The following ADAMTS3 variants were observed in gnomAD, a reference collection of about 807,000 sequenced individuals.
ADAMTS3 encodes ADAM metallopeptidase with thrombospondin type 1 motif 3, also known as A disintegrin and metalloproteinase with thrombospondin motifs 3.
In ADAMTS3, 73 loss-of-function variants were observed where a neutral mutation model predicts 129.0. The observed-to-expected ratio is 0.57, with a 90% CI of 0.47 to 0.69. The LOEUF (loss-of-function observed/expected upper bound fraction) is 0.69, where lower values mean the gene tolerates loss of function less well. Ranked by LOEUF, ADAMTS3 falls within the 30% of genes least tolerant of loss-of-function variation. The pLI, the probability that ADAMTS3 is intolerant of heterozygous loss-of-function variation, is 0.00. For synonymous variants in ADAMTS3, 477 were observed against 510.8 expected (o/e 0.93, Z 0.89); for missense variants, 1,457 against 1,514.5 (o/e 0.96, Z 0.63).
intron 4 of ADAMTS3, among the ~76,000 whole-genome samples, chr4:72,354,382 C>T (rs1468937214): frequency 1.3e-5 from 2 of 151,916 alleles, no homozygotes; most frequent in Non-Finnish European, 2.9e-5. Flanking sequence ...CATTTTTAAT[C>T]CTTTTGCTTT....
intron 3 of ADAMTS3, among the ~76,000 whole-genome samples, chr4:72,538,735 G>A (rs1721243537): frequency 6.6e-6 from 1 of 152,116 alleles, no homozygotes; most frequent in Admixed American, 6.6e-5. Flanking sequence ...CATAAAGCTG[G>A]AGGACTCACA....
chr4:72,298,953 T>C (rs1718881291), intron 17 of ADAMTS3, among the ~76,000 whole-genome samples: 2 of 151,786 alleles, frequency 1.3e-5, no homozygotes, highest in Admixed American at 1.3e-4. Context: ...AATATATACA[T>C]TATGGAAAAA....
intron 4 of ADAMTS3, among the ~76,000 whole-genome samples, chr4:72,399,715 C>T (rs554549886): frequency 3.6e-4 from 45 of 124,866 alleles, no homozygotes; most frequent in African/African-American, 1.4e-3. Context: ...ACGGTGTGTA[C>T]GCATATGTGT....
At chr4:72,462,440 A>G (rs914882780) in intron 3 of ADAMTS3, among the ~76,000 whole-genome samples, 3 of 152,020 alleles carry the variant, frequency 2.0e-5, no homozygotes, top group Non-Finnish European at 4.4e-5. Flanking sequence ...AAGTAGTTCA[A>G]TCCCAAGCAC....
chr4:72,463,564 C>T (rs552887248), intron 3 of ADAMTS3, among the ~76,000 whole-genome samples: 5 of 151,984 alleles, frequency 3.3e-5, no homozygotes, highest in African/African-American at 1.2e-4. Flanking sequence ...CAATTTCTAA[C>T]CATATTATAA....
chr4:72,353,986 A>G (rs1444476486), intron 4 of ADAMTS3, among the ~76,000 whole-genome samples: 3 of 151,938 alleles, frequency 2.0e-5, no homozygotes, highest in Non-Finnish European at 4.4e-5. Flanking sequence ...TTACTGTTCC[A>G]TATAACTGTT....
At chr4:72,394,724 A>G (rs981149089) in intron 4 of ADAMTS3, among the ~76,000 whole-genome samples, 2 of 152,202 alleles carry the variant, frequency 1.3e-5, no homozygotes, top group African/African-American at 4.8e-5. Context: ...CATCTTCTAA[A>G]ACTGAACTAG....
intron 3 of ADAMTS3, among the ~76,000 whole-genome samples, chr4:72,435,164 A>T (rs1416306997): frequency 6.6e-6 from 1 of 151,834 alleles, no homozygotes; most frequent in Non-Finnish European, 1.5e-5. Flanking sequence ...GGCACTAAAC[A>T]GACCTCAAAA....
chr4:72,375,359 G>A (rs551857047), intron 4 of ADAMTS3, among the ~76,000 whole-genome samples: 10 of 152,238 alleles, frequency 6.6e-5, no homozygotes, highest in East Asian at 1.9e-4. Flanking sequence ...TGCCTACTAC[G>A]TGCCCAGCAC....
chr4:72,333,488 C>A (rs1299488479), intron 5 of ADAMTS3, among the ~76,000 whole-genome samples: 1 of 152,154 alleles, frequency 6.6e-6, no homozygotes, highest in Non-Finnish European at 1.5e-5. Flanking sequence ...ATAAAGCATC[C>A]TCTCTTGCCT....
intron 4 of ADAMTS3, among the ~76,000 whole-genome samples, chr4:72,401,576 A>AAAG (rs1721920819): frequency 7.0e-6 from 1 of 142,864 alleles, no homozygotes; most frequent in African/African-American, 2.5e-5. Flanking sequence ...CAAAAAAAAA[A>AAAG]AAAAAAAAAA....
chr4:72,310,974 ATT>A, intron 14 of ADAMTS3, 72 bp downstream of exon 14: 1 of 1,362,664 alleles, frequency 7.3e-7, no homozygotes, highest in South Asian at 1.8e-5. Context: ...AGTTTAAAAA[ATT>A]AAAAATGTGC....
intron 3 of ADAMTS3, among the ~76,000 whole-genome samples, chr4:72,482,750 C>T (rs1293866745): frequency 6.6e-6 from 1 of 152,104 alleles, no homozygotes; most frequent in Non-Finnish European, 1.5e-5. Flanking sequence ...AAATGTAGAT[C>T]ATGATTTAGT....
chr4:72,311,276 G>T, intron 13 of ADAMTS3, 95 bp from the exon 14 acceptor site: 2 of 1,129,496 alleles, frequency 1.8e-6, no homozygotes, highest in African/African-American at 1.6e-5. Flanking sequence ...GTTTCACTGT[G>T]ATTTCCTGAA....
chr4:72,405,401 A>T lies in ADAMTS3; in HGVS notation c.661+9414T>A, dbSNP rs115205689. ...ATGTTAAGCATTCTTAACACAATAT[A>T]AAAAAATATAAAGAGACTCAATATT... On this transcript the variant is annotated intron_variant, in intron 4 of 21. Transcript: ENST00000286657. Among the ~76,000 whole-genome samples the T allele has an allele frequency of 3.4e-3, 513 of 151,910 alleles. 7 individuals carry two copies. Among genetic ancestry groups the T allele is most frequent in the African/African-American group, 0.012 (496 of 41,280 alleles).
chr4:72,283,077 T>C lies in ADAMTS3; in HGVS notation c.*59A>G. The C allele has an allele frequency of 2.8e-6, 4 of 1,408,440 alleles. No homozygotes were observed. The highest frequency in any genetic ancestry group is 3.9e-6 in the Non-Finnish European group (4 of 1,025,524). The allele number at this position is 1,408,440 out of a possible 1,614,324, so 87.2% of individuals were successfully genotyped here. On this transcript the variant is annotated 3_prime_UTR_variant, in exon 22 of 22. Coordinates refer to ENST00000286657, the MANE Select transcript of ADAMTS3 (RefSeq NM_014243.3). ...CCACTTTAAACAAGCATATGCACCA[T>C]GGGAAGAGAGAGGTTGTCCAGGTTT...
At chr4:72,359,754 T>C (rs1720672788) in intron 4 of ADAMTS3, among the ~76,000 whole-genome samples, 1 of 152,080 alleles carries the variant, frequency 6.6e-6, no homozygotes, top group Non-Finnish European at 1.5e-5. Flanking sequence ...ACACTGATTA[T>C]TAGTAATTAC....
At position 72,318,678 on chromosome 4, in the gene ADAMTS3, G is replaced by A. The variant is rs756853314; in HGVS notation, c.1379C>T (p.Pro460Leu). The change falls in exon 10 of 22, where the codon CCT becomes CTT. Residue 460 changes from proline (P) to leucine (L), a missense_variant. Transcript: ENST00000286657. ...GAGTTTAGGCCAATCATGATCAAAA[G>A]GGTCATCAAGGAGACAGTCATAGGA... ...IHSYDCLLDD[P>L]FDHDWPKLPE... The A allele has an allele frequency of 2.2e-5, 36 of 1,613,430 alleles. No homozygotes were observed. Among genetic ancestry groups the A allele is most frequent in the Non-Finnish European group, 2.7e-5 (32 of 1,179,730 alleles).
Position 72,380,218 on chromosome 4 carries a change from C to T in ADAMTS3, c.661+34597G>A, listed in dbSNP as rs1343392462. ...AGAAGCTGTCAGAATCCCCAGACTC[C>T]CAAATTAATTTCCTGGCTGTGGTAC... On this transcript the variant is annotated intron_variant, in intron 4 of 21. Transcript: ENST00000286657. Among the ~76,000 whole-genome samples, 3 of 152,176 alleles carry T rather than the reference C, an allele frequency of 2.0e-5. No homozygotes were observed. In the East Asian group the frequency reaches 5.8e-4, roughly 29 times the overall value.
Sources: gnomAD v4.1 joint callset for allele counts (sites outside exome capture counted in the v4.1 genomes callset) on GRCh38, gnomAD v4.1.1 for gene constraint, MANE v1.5 for transcripts, NCBI Gene and HGNC (gene_info 2026-07-23, HGNC 2026-07-21) for gene names.